MAML2: variants seen among roughly 807,000 people sequenced by gnomAD.
MAML2 encodes the protein mastermind-like protein 2.
A neutral mutation model predicts 96.1 loss-of-function variants in MAML2; 22 were observed. That is an observed-to-expected ratio of 0.23 (90% CI 0.16 to 0.33). The LOEUF is 0.33. Among genes scored for constraint, MAML2 ranks in the 10% least tolerant of loss-of-function variants. The pLI, the probability that MAML2 is intolerant of heterozygous loss-of-function variation, is 1.00. For synonymous variants in MAML2, 561 were observed against 521.3 expected (o/e 1.08, Z -1.04); for missense variants, 1,367 against 1,392.4 (o/e 0.98, Z 0.29).
intron 1 of MAML2, among the ~76,000 whole-genome samples, chr11:96,191,392 A>G (rs1386925942): frequency 1.3e-5 from 2 of 151,534 alleles, no homozygotes; most frequent in Non-Finnish European, 2.9e-5. Flanking sequence ...TGAACTCGGG[A>G]GACAGAGCTT....
In MAML2 at chr11:96,055,429, G is replaced by C. The variant is rs556328470; in HGVS notation, c.2139+36463C>G. On this transcript the variant is annotated intron_variant, in intron 2 of 4. Coordinates refer to ENST00000524717, the MANE Select transcript of MAML2 (RefSeq NM_032427.4). ...CCTCTAAGAGAGGAAAGAGGCAGGG[G>C]GGAAAAAAAAGAGCCAGCTACTCCA... 9.9e-5 allele frequency among the ~76,000 whole-genome samples: 15 copies of C among 152,020 alleles called. No homozygotes were observed. In the South Asian group the frequency reaches 2.7e-3, roughly 27 times the overall value.
At chr11:96,149,570 A>G (rs1860886324) in intron 1 of MAML2, among the ~76,000 whole-genome samples, 1 of 151,920 alleles carries the variant, frequency 6.6e-6, no homozygotes, top group African/African-American at 2.4e-5. Context: ...CATCTCTACT[A>G]AAAATACAAG....
At chr11:96,140,290 A>G (rs1199629895) in intron 1 of MAML2, among the ~76,000 whole-genome samples, 3 of 152,178 alleles carry the variant, frequency 2.0e-5, no homozygotes, top group South Asian at 4.1e-4. Context: ...ACTTCACCAT[A>G]CTGTTGACAA....
intron 1 of MAML2, among the ~76,000 whole-genome samples, chr11:96,333,974 G>C (rs1863885886): frequency 6.6e-6 from 1 of 152,162 alleles, no homozygotes; most frequent in South Asian, 2.1e-4. Flanking sequence ...CTGAATTCTA[G>C]AAGTAAGGAG....
At chr11:96,151,401 G>A (rs1860918864) in intron 1 of MAML2, among the ~76,000 whole-genome samples, 1 of 152,180 alleles carries the variant, frequency 6.6e-6, no homozygotes, top group Admixed American at 6.5e-5. Flanking sequence ...TTTCTTGACA[G>A]CAAGTAATCC....
At chr11:95,983,740 G>A (rs979575881) in intron 4 of MAML2, among the ~76,000 whole-genome samples, 13 of 152,124 alleles carry the variant, frequency 8.5e-5, no homozygotes, top group African/African-American at 3.1e-4. Context: ...AAAGCTTCTA[G>A]AATAAGGATA....
Position 96,341,869 on chromosome 11 carries a change from G to T in MAML2, c.27C>A (p.Ala9=). 1.3e-6 allele frequency: 2 copies of T among 1,538,132 alleles called. No homozygotes were observed. The highest frequency in any genetic ancestry group is 8.7e-7 in the Non-Finnish European group (1 of 1,145,786). Residue 9 remains alanine (A), a synonymous_variant, in exon 1 of 5, where the codon GCC becomes GCA. Transcript: ENST00000524717. MGDTAPPQ[A]PAGGLGGASG... ...AGGCCCCCCCTAGCCCTCCTGCGGG[G>T]GCCTGCGGGGGCGCTGTGTCCCCCA...
At chr11:96,126,377 G>A (rs1024895155) in intron 1 of MAML2, among the ~76,000 whole-genome samples, 8 of 152,138 alleles carry the variant, frequency 5.3e-5, no homozygotes, top group Non-Finnish European at 1.0e-4. Flanking sequence ...GACCAATATG[G>A]TGAAACCCTG....
chr11:96,054,276 T>C (rs1859029962), intron 2 of MAML2, among the ~76,000 whole-genome samples: 1 of 152,248 alleles, frequency 6.6e-6, no homozygotes, highest in Non-Finnish European at 1.5e-5. Flanking sequence ...ATGGATATAC[T>C]ATTAATTTGT....
chr11:96,103,102 T>A (rs1472512771), intron 1 of MAML2, among the ~76,000 whole-genome samples: 1 of 152,158 alleles, frequency 6.6e-6, no homozygotes, highest in Non-Finnish European at 1.5e-5. Context: ...TCCCTCATAT[T>A]TTTTCTCCCT....
intron 1 of MAML2, among the ~76,000 whole-genome samples, chr11:96,222,514 C>T (rs1308813481): frequency 6.6e-6 from 1 of 152,158 alleles, no homozygotes; most frequent in African/African-American, 2.4e-5. Flanking sequence ...AGCAGAAGCA[C>T]TCAGTTAAGA....
chr11:96,097,134 A>C (rs988563987), intron 1 of MAML2, among the ~76,000 whole-genome samples: 2 of 152,226 alleles, frequency 1.3e-5, no homozygotes, highest in Non-Finnish European at 2.9e-5. Flanking sequence ...CTGGACTAAA[A>C]TTCTTTCATT....
chr11:96,065,522 G>GC (rs1259237045), intron 2 of MAML2, among the ~76,000 whole-genome samples: 1 of 152,108 alleles, frequency 6.6e-6, no homozygotes, highest in Non-Finnish European at 1.5e-5. Flanking sequence ...AGAGAATCTA[G>GC]CAAGAAGAAT....
At chr11:96,266,055 G>T (rs1470719058) in intron 1 of MAML2, among the ~76,000 whole-genome samples, 2 of 152,128 alleles carry the variant, frequency 1.3e-5, no homozygotes, top group African/African-American at 2.4e-5. Context: ...CATGCCTACT[G>T]GGGCTTCAAA....
At chr11:96,163,424 A>C (rs1861144851) in intron 1 of MAML2, among the ~76,000 whole-genome samples, 1 of 152,206 alleles carries the variant, frequency 6.6e-6, no homozygotes, top group Admixed American at 6.5e-5. Flanking sequence ...TATACCCACA[A>C]TATCATTCTT....
chr11:96,286,859 C>T (rs1002412916), intron 1 of MAML2, among the ~76,000 whole-genome samples: 3 of 152,238 alleles, frequency 2.0e-5, no homozygotes, highest in Admixed American at 6.5e-5. Context: ...ACTATTCTAA[C>T]GTGGAACTAA....
chr11:96,091,438 G>A (rs1680284762), intron 2 of MAML2, among the ~76,000 whole-genome samples: 2 of 152,078 alleles, frequency 1.3e-5, no homozygotes, highest in Non-Finnish European at 2.9e-5. Context: ...AAATATTCCA[G>A]TTGGTTGGTG....
At chr11:96,027,349 A>G (rs1410515996) in intron 2 of MAML2, among the ~76,000 whole-genome samples, 2 of 152,230 alleles carry the variant, frequency 1.3e-5, no homozygotes, top group Non-Finnish European at 2.9e-5. Context: ...CAGATGAGGA[A>G]GCCAAGACTC....
At chr11:96,180,599 T>C (rs1447788653) in intron 1 of MAML2, among the ~76,000 whole-genome samples, 3 of 152,186 alleles carry the variant, frequency 2.0e-5, no homozygotes, top group Non-Finnish European at 4.4e-5. Context: ...GTCTGTAAGC[T>C]GCTCCATCAG....
Sources: allele counts gnomAD v4.1 joint callset (sites outside exome capture counted in the v4.1 genomes callset), GRCh38; gene constraint gnomAD v4.1.1; transcripts MANE v1.5; gene names NCBI Gene and HGNC (gene_info 2026-07-23, HGNC 2026-07-21).